Variants in FHIT observed in about 807,000 individuals in gnomAD.
FHIT encodes the protein fragile histidine triad diadenosine triphosphatase.
In FHIT, 19 loss-of-function variants were observed where a neutral mutation model predicts 17.9. The ratio of observed to expected loss-of-function variants is 1.06; its 90% confidence interval spans 0.74 to 1.56. The LOEUF (loss-of-function observed/expected upper bound fraction) is 1.56, where lower values mean the gene tolerates loss of function less well. Among genes scored for constraint, FHIT ranks in the 40% most tolerant of loss-of-function variants. The pLI is 0.00. For synonymous variants in FHIT, 81 were observed against 69.7 expected (o/e 1.16, Z -0.81); for missense variants, 248 against 189.2 (o/e 1.31, Z -1.82).
At chr3:59,938,668 G>C (rs999760341) in intron 7 of FHIT, among the ~76,000 whole-genome samples, 1 of 152,132 alleles carries the variant, frequency 6.6e-6, no homozygotes, top group Non-Finnish European at 1.5e-5. Context: ...TTAACACCAT[G>C]TTGTATACCT....
At chr3:60,882,985 A>T (rs1231409710) in intron 3 of FHIT, among the ~76,000 whole-genome samples, 3 of 152,132 alleles carry the variant, frequency 2.0e-5, no homozygotes, top group African/African-American at 7.2e-5. Context: ...GTACCAAAAC[A>T]TTCTTAGAAT....
chr3:60,794,150 A>T (rs1700890006), intron 4 of FHIT, among the ~76,000 whole-genome samples: 1 of 152,056 alleles, frequency 6.6e-6, no homozygotes. Flanking sequence ...AGTTTTCTAT[A>T]AATCCTTCTA....
intron 4 of FHIT, among the ~76,000 whole-genome samples, chr3:60,671,172 A>AT (rs1167753723): frequency 4.6e-5 from 7 of 152,194 alleles, no homozygotes; most frequent in Non-Finnish European, 1.0e-4. Context: ...GGGAGAGTGG[A>AT]TTACCCTCAG....
intron 2 of FHIT, among the ~76,000 whole-genome samples, chr3:61,132,071 A>G (rs1019745766): frequency 2.0e-5 from 3 of 152,200 alleles, no homozygotes; most frequent in Non-Finnish European, 2.9e-5. Flanking sequence ...GGCCAATATA[A>G]TGCTTTCATG....
At chr3:60,449,447 C>CAT (rs1347855609) in intron 5 of FHIT, among the ~76,000 whole-genome samples, 1 of 151,758 alleles carries the variant, frequency 6.6e-6, no homozygotes, top group African/African-American at 2.4e-5. Flanking sequence ...CACACACACA[C>CAT]ATATGCAGTA....
At chr3:60,842,217 A>G (rs1702744400) in intron 3 of FHIT, among the ~76,000 whole-genome samples, 1 of 152,102 alleles carries the variant, frequency 6.6e-6, no homozygotes, top group South Asian at 2.1e-4. Flanking sequence ...GACACCAGTG[A>G]ATCTGGAGTT....
At chr3:60,266,019 G>A (rs554710415) in intron 5 of FHIT, among the ~76,000 whole-genome samples, 1 of 151,716 alleles carries the variant, frequency 6.6e-6, no homozygotes, top group Non-Finnish European at 1.5e-5. Context: ...ATATATAAAG[G>A]TATATATATT....
intron 4 of FHIT, among the ~76,000 whole-genome samples, chr3:60,584,128 G>GGT (rs1185057874): frequency 2.0e-5 from 3 of 152,040 alleles, no homozygotes; most frequent in Middle Eastern, 6.8e-3. Flanking sequence ...TCTTAGCAGG[G>GGT]GTGTGCTAGA....
At chr3:60,711,619 G>A (rs532600251) in intron 4 of FHIT, among the ~76,000 whole-genome samples, 7 of 152,312 alleles carry the variant, frequency 4.6e-5, no homozygotes, top group East Asian at 1.9e-4. Context: ...CGAGAACTAC[G>A]TGAAGAATGC....
At chr3:60,140,555 G>C (rs183186780) in intron 5 of FHIT, among the ~76,000 whole-genome samples, 23 of 150,650 alleles carry the variant, frequency 1.5e-4, no homozygotes, top group African/African-American at 5.4e-4. Flanking sequence ...AGAGCCCATG[G>C]AGGGAAAGAC....
intron 8 of FHIT, among the ~76,000 whole-genome samples, chr3:59,774,984 G>A (rs1184747751): frequency 5.9e-5 from 9 of 152,262 alleles, no homozygotes; most frequent in East Asian, 1.9e-4. Context: ...ATCTCAGACC[G>A]ACTGAACTAA....
At chr3:60,050,394 G>A (rs554751391) in intron 5 of FHIT, among the ~76,000 whole-genome samples, 48 of 151,766 alleles carry the variant, frequency 3.2e-4, no homozygotes, top group Non-Finnish European at 5.4e-4. Flanking sequence ...TTATAGTTTC[G>A]CCTTCCATAT....
intron 5 of FHIT, among the ~76,000 whole-genome samples, chr3:60,493,851 GA>G (rs1168166200): frequency 1.3e-5 from 2 of 152,098 alleles, no homozygotes; most frequent in Non-Finnish European, 2.9e-5. Context: ...ATGGAGTGTT[GA>G]ATGGAACATA....
intron 5 of FHIT, among the ~76,000 whole-genome samples, chr3:60,430,965 A>C (rs1702868434): frequency 6.6e-6 from 1 of 152,072 alleles, no homozygotes; most frequent in Non-Finnish European, 1.5e-5. Context: ...CAACCCCAGC[A>C]CTTTGGGAGG....
At chr3:61,088,391 T>C (rs915398065) in intron 2 of FHIT, among the ~76,000 whole-genome samples, 6 of 152,334 alleles carry the variant, frequency 3.9e-5, no homozygotes, top group East Asian at 1.9e-4. Context: ...AAATTAAATA[T>C]AATTGAATCA....
At chr3:60,954,268 G>A (rs141406680) in intron 3 of FHIT, among the ~76,000 whole-genome samples, 40 of 152,282 alleles carry the variant, frequency 2.6e-4, no homozygotes, top group Non-Finnish European at 5.1e-4. Flanking sequence ...ACTATCATAT[G>A]CATGAATGTA....
chr3:60,627,741 C>T (rs2039330134), intron 4 of FHIT, among the ~76,000 whole-genome samples: 1 of 152,174 alleles, frequency 6.6e-6, no homozygotes. Flanking sequence ...CCAGGCTAGT[C>T]ACATACTCCT....
intron 5 of FHIT, among the ~76,000 whole-genome samples, chr3:60,433,703 C>T (rs991946935): frequency 6.6e-6 from 1 of 152,078 alleles, no homozygotes; most frequent in African/African-American, 2.4e-5. Flanking sequence ...TACCTGTTGG[C>T]TATTAGCATG....
intron 8 of FHIT, among the ~76,000 whole-genome samples, chr3:59,919,010 C>T (rs1215545541): frequency 6.6e-6 from 1 of 152,086 alleles, no homozygotes; most frequent in African/African-American, 2.4e-5. Flanking sequence ...AAAGGTTTTA[C>T]CTTTTATTTC....
Sources: allele counts gnomAD v4.1 joint callset (sites outside exome capture counted in the v4.1 genomes callset), GRCh38; gene constraint gnomAD v4.1.1; transcripts MANE v1.5; gene names NCBI Gene and HGNC (gene_info 2026-07-23, HGNC 2026-07-21).